Variants in HSF2BP observed in about 807,000 individuals in gnomAD.
HSF2BP encodes heat shock factor 2-binding protein.
Under a neutral mutation model 35.0 loss-of-function variants are expected in HSF2BP, and 35 were observed. The ratio of observed to expected loss-of-function variants is 1.00; its 90% CI spans 0.76 to 1.32. The LOEUF (loss-of-function observed/expected upper bound fraction) is 1.32. Among genes scored for constraint, HSF2BP ranks in the 40% most tolerant of loss-of-function variants. The pLI, the probability that HSF2BP is intolerant of heterozygous loss-of-function variation, is 0.00. For missense variants in HSF2BP, 326 were observed against 321.7 expected (o/e 1.01, Z -0.10); for synonymous variants, 114 against 117.4 (o/e 0.97, Z 0.18).
At chr21:43,605,411 CCA>C (rs888078206) in intron 7 of HSF2BP, among the ~76,000 whole-genome samples, 2 of 147,316 alleles carry the variant, frequency 1.4e-5, no homozygotes, top group African/African-American at 5.0e-5. Context: ...ATTCCCCACA[CCA>C]CACACACACT....
chr21:43,588,478 A>G (rs1005891838), intron 8 of HSF2BP, among the ~76,000 whole-genome samples: 1 of 152,014 alleles, frequency 6.6e-6, no homozygotes, highest in Non-Finnish European at 1.5e-5. Flanking sequence ...GTTGGGAAAC[A>G]GGGTCTGGAG....
chr21:43,626,761 T>C (rs1438379655), intron 6 of HSF2BP, among the ~76,000 whole-genome samples: 1 of 152,200 alleles, frequency 6.6e-6, no homozygotes, highest in African/African-American at 2.4e-5. Context: ...TTTCTGAATC[T>C]CGTTAAGGCT....
chr21:43,612,387 C>G lies in HSF2BP; in HGVS notation c.692+1443G>C, dbSNP rs138660788. ...AAGTGCTAGGCCGGGCGCAGGGGCT[C>G]ACGCCTGTAATCCCAGCACTTTGGG... On this transcript the variant is annotated intron_variant, in intron 7 of 8. Transcript: ENST00000291560. Among the ~76,000 whole-genome samples the G allele has an allele frequency of 4.9e-3, 751 of 152,292 alleles. 19 individuals are homozygous for G. The highest frequency in any genetic ancestry group is 2.2e-3 in the Non-Finnish European group (150 of 68,026).
intron 6 of HSF2BP, among the ~76,000 whole-genome samples, chr21:43,616,971 A>C (rs1025610546): frequency 6.6e-6 from 1 of 151,922 alleles, no homozygotes; most frequent in Non-Finnish European, 1.5e-5. Context: ...AAGAAATAGC[A>C]CAGTGAAGAA....
intron 2 of HSF2BP, among the ~76,000 whole-genome samples, 162 bp from the exon 3 acceptor site, chr21:43,656,899 C>G (rs1275140369): frequency 6.6e-6 from 1 of 152,142 alleles, no homozygotes; most frequent in African/African-American, 2.4e-5. Flanking sequence ...TATGTACATA[C>G]AAACATTTTG....
At chr21:43,585,324 A>G (rs1224513333) in intron 8 of HSF2BP, among the ~76,000 whole-genome samples, 1 of 152,076 alleles carries the variant, frequency 6.6e-6, no homozygotes, top group Non-Finnish European at 1.5e-5. Flanking sequence ...AAGTAAGTAA[A>G]ATGTTTTTTT....
intron 5 of HSF2BP, among the ~76,000 whole-genome samples, chr21:43,631,896 T>TGCTCCCACACACCCACAC (rs2082461817): frequency 7.4e-6 from 1 of 135,750 alleles, no homozygotes; most frequent in African/African-American, 2.8e-5. Context: ...CACACACACA[T>TGCTCCCACACACCCACAC]GCTCCCACAC....
rs1240661171 is a variant in HSF2BP at position 43,630,445 on chromosome 21, A to C, written c.451T>G (p.Leu151Val). ...VKAILGGDKA[L>V]KFFSITGQTM... is the part of the protein sequence containing the mutation. ...TGACCAGTGATGCTGAAAAACTTCAAAGCTTTATCCTGAAAGTTTGAAAAT... is the reference window on the plus strand; with the variant it reads ...TGACCAGTGATGCTGAAAAACTTCACAGCTTTATCCTGAAAGTTTGAAAAT... The change falls in exon 6 of 9, where the codon TTG (leucine) becomes GTG (valine). Residue 151 changes from leucine (L) to valine (V), a missense_variant. Transcript: ENST00000291560. 15 of 1,611,492 alleles carry C rather than the reference A, an allele frequency of 9.3e-6. No individual in the cohort carries two copies.
chr21:43,581,917 G>A (rs979629507), intron 8 of HSF2BP, among the ~76,000 whole-genome samples: 1 of 140,130 alleles, frequency 7.1e-6, no homozygotes, highest in Non-Finnish European at 1.5e-5. Context: ...CCCTGCTGTG[G>A]GAGATGAGGG....
chr21:43,584,106 C>A lies in HSF2BP; in HGVS notation c.796+8119G>T, dbSNP rs1408333748. On this transcript the variant is annotated intron_variant, in intron 8 of 8. Coordinates refer to ENST00000291560, the MANE Select transcript of HSF2BP (RefSeq NM_007031.2). ...AAGGGCCTGCTGAGGGAGATGAAGA[C>A]CTGCTAAGGGGGATAAGGACCTGCC... Among the ~76,000 whole-genome samples the A allele has an allele frequency of 2.1e-5, 3 of 144,356 alleles. No individual in the cohort carries two copies. In the Admixed American group the frequency reaches 2.1e-4, roughly 10 times the overall value. The allele number at this position is 144,356 out of a possible 152,430, so 94.7% of individuals were successfully genotyped here.
intron 7 of HSF2BP, among the ~76,000 whole-genome samples, chr21:43,608,095 G>T (rs2082156786): frequency 6.7e-6 from 1 of 150,030 alleles, no homozygotes; most frequent in Non-Finnish European, 1.5e-5. Context: ...ATTGACAATT[G>T]GGACATAATT....
chr21:43,467,770 CA>C, the HSF2BP span, among the ~76,000 whole-genome samples: 1 of 106,586 alleles, frequency 9.4e-6, no homozygotes, highest in African/African-American at 4.1e-5. Flanking sequence ...ACACACCACA[CA>C]CACCACACCA....
At chr21:43,632,366 A>C (rs1601699657) in intron 5 of HSF2BP, among the ~76,000 whole-genome samples, 1 of 48,676 alleles carries the variant, frequency 2.1e-5, no homozygotes, top group Non-Finnish European at 3.6e-5. Context: ...ACACGCTCCC[A>C]CACACACACG....
At chr21:43,600,765 A>G (rs1417784391) in intron 7 of HSF2BP, among the ~76,000 whole-genome samples, 1 of 152,220 alleles carries the variant, frequency 6.6e-6, no homozygotes, top group East Asian at 1.9e-4. Flanking sequence ...TAAGAAAGAA[A>G]CCCTATAACC....
intron 7 of HSF2BP, among the ~76,000 whole-genome samples, chr21:43,606,643 G>A (rs554672555): frequency 1.6e-4 from 25 of 152,262 alleles, no homozygotes; most frequent in African/African-American, 5.5e-4. Flanking sequence ...AAAGGCAGGT[G>A]GCCTTGAAAT....
chr21:43,627,324 T>G (rs989333104), intron 6 of HSF2BP, among the ~76,000 whole-genome samples: 2 of 152,222 alleles, frequency 1.3e-5, no homozygotes, highest in Non-Finnish European at 2.9e-5. Flanking sequence ...ATTATATAAT[T>G]ATTATACTAA....
chr21:43,636,003 G>T (rs530387904), intron 4 of HSF2BP, among the ~76,000 whole-genome samples: 1 of 149,574 alleles, frequency 6.7e-6, no homozygotes, highest in East Asian at 2.0e-4. Context: ...TGAGACGGGA[G>T]GATCGAGACC....
intron 4 of HSF2BP, 114 bp downstream of exon 4, chr21:43,644,175 C>A: frequency 1.5e-6 from 1 of 687,498 alleles, no homozygotes; most frequent in Admixed American, 2.6e-5. Flanking sequence ...TTTACAAATA[C>A]AATTTATTGA....
intron 7 of HSF2BP, among the ~76,000 whole-genome samples, chr21:43,593,962 T>TA (rs2081956703): frequency 6.6e-6 from 1 of 151,822 alleles, no homozygotes; most frequent in Non-Finnish European, 1.5e-5. Flanking sequence ...TCAAGAAAGA[T>TA]AAAAAATAAA....
Sources: gnomAD v4.1 joint callset for allele counts (sites outside exome capture counted in the v4.1 genomes callset) on GRCh38, gnomAD v4.1.1 for gene constraint, MANE v1.5 for transcripts, NCBI Gene and HGNC (gene_info 2026-07-23, HGNC 2026-07-21) for gene names.